The following MYO5B variants were observed in gnomAD, a reference collection of about 807,000 sequenced individuals.
The protein encoded by MYO5B is myosin VB, also known as unconventional myosin-Vb.
Under a neutral mutation model 229.3 loss-of-function variants are expected in MYO5B, and 143 were observed. That is an observed-to-expected ratio of 0.62 (90% CI 0.54 to 0.72). MYO5B has a LOEUF of 0.72. Ranked by LOEUF, MYO5B falls within the 30% of genes least tolerant of loss-of-function variation. The pLI is 0.00. For missense variants in MYO5B, 2,321 were observed against 2,331.0 expected (o/e 1.00, Z 0.09); for synonymous variants, 918 against 885.2 (o/e 1.04, Z -0.66).
Position 49,977,988 on chromosome 18 carries a change from G to A in MYO5B, c.1056+2456C>T, listed in dbSNP as rs151169705. ...TCAGGATATGAACCTTGGCCATCTC[G>A]ACTTAGAGTCCTTGCTGTCCACTAG... is the stretch of plus-strand genomic sequence containing the variant. On this transcript the variant is annotated intron_variant, in intron 9 of 39. Coordinates refer to ENST00000285039, the MANE Select transcript of MYO5B (RefSeq NM_001080467.3). Among the ~76,000 whole-genome samples the A allele has an allele frequency of 5.7e-3, 863 of 152,296 alleles. 5 individuals carry two copies. The highest frequency in any genetic ancestry group is 9.6e-3 in the Non-Finnish European group (654 of 68,024).
chr18:49,863,233 G>C lies in MYO5B; in HGVS notation c.3938C>G (p.Thr1313Arg). 6.2e-7 allele frequency: 1 copy of C among 1,612,742 alleles called. No individual in the cohort carries two copies. The change falls in exon 29 of 40, where the codon ACA (threonine) becomes AGA (arginine). Residue 1313 changes from threonine (T) to arginine (R), a missense_variant. Thr to Arg is a moderately conservative substitution (Grantham distance 71). Around this residue, in one of 2 missense-constraint regions of MYO5B, gnomAD observed 2,113 missense variants for 2,044.7 expected, o/e 1.03. Coordinates refer to ENST00000285039, the MANE Select transcript of MYO5B (RefSeq NM_001080467.3). ...TTGACCGCGGCGGCCTTACCTGTTTGTCTGGCAGACCCCGTGATAGGCCTC... is the reference window on the plus strand; with the variant it reads ...TTGACCGCGGCGGCCTTACCTGTTTCTCTGGCAGACCCCGTGATAGGCCTC... Reference protein sequence around the residue: ...AIEAYHGVCQTNSKTEDWGYL... With the variant: ...AIEAYHGVCQRNSKTEDWGYL...
intron 36 of MYO5B, among the ~76,000 whole-genome samples, 187 bp from the exon 37 acceptor site, chr18:49,837,989 A>C (rs1480600938): frequency 6.6e-6 from 1 of 152,236 alleles, no homozygotes; most frequent in East Asian, 1.9e-4. Flanking sequence ...GTATGGAATA[A>C]AACAGCTGTG....
chr18:49,914,666 G>A (rs2024992781), intron 17 of MYO5B, among the ~76,000 whole-genome samples: 1 of 151,526 alleles, frequency 6.6e-6, no homozygotes, highest in East Asian at 2.0e-4. Context: ...TGTAGTACCA[G>A]CTACTCAGGA....
intron 26 of MYO5B, among the ~76,000 whole-genome samples, chr18:49,873,603 G>A (rs1005925033): frequency 7.9e-5 from 12 of 152,334 alleles, no homozygotes; most frequent in South Asian, 2.1e-4. Flanking sequence ...CTGCTGCTCC[G>A]GTGAGAGTTC....
chr18:49,920,447 C>T (rs916390091), intron 17 of MYO5B, among the ~76,000 whole-genome samples: 1 of 152,136 alleles, frequency 6.6e-6, no homozygotes, highest in African/African-American at 2.4e-5. Context: ...AGCACTCACA[C>T]CATCAGAAAC....
intron 1 of MYO5B, among the ~76,000 whole-genome samples, chr18:50,117,068 A>C (rs1198077349): frequency 6.6e-6 from 1 of 152,196 alleles, no homozygotes; most frequent in African/African-American, 2.4e-5. Context: ...TTTGATAATA[A>C]GCAATCTCTG....
At chr18:49,882,216 C>G (rs2024594478) in intron 22 of MYO5B, among the ~76,000 whole-genome samples, 1 of 152,176 alleles carries the variant, frequency 6.6e-6, no homozygotes, top group African/African-American at 2.4e-5. Context: ...TGATCCGTCA[C>G]CATTCCCCAC....
At chr18:50,006,552 C>A (rs551140359) in intron 4 of MYO5B, among the ~76,000 whole-genome samples, 2 of 152,242 alleles carry the variant, frequency 1.3e-5, no homozygotes, top group South Asian at 2.1e-4. Flanking sequence ...ACCTGACAAC[C>A]AACACATCCA....
intron 3 of MYO5B, among the ~76,000 whole-genome samples, chr18:50,037,274 AAAATAGAC>A (rs2026460153): frequency 6.6e-6 from 1 of 152,130 alleles, no homozygotes; most frequent in Non-Finnish European, 1.5e-5. Flanking sequence ...TTGAGTTAAT[AAAATAGAC>A]ATGTGCAAGG....
At chr18:50,072,207 C>T (rs371392932) in intron 1 of MYO5B, among the ~76,000 whole-genome samples, 35 of 151,684 alleles carry the variant, frequency 2.3e-4, no homozygotes, top group African/African-American at 8.5e-4. Flanking sequence ...AGTATATATG[C>T]AACTTACATA....
At chr18:49,935,612 T>C (rs1248386314) in intron 16 of MYO5B, among the ~76,000 whole-genome samples, 2 of 152,224 alleles carry the variant, frequency 1.3e-5, no homozygotes, top group Non-Finnish European at 2.9e-5. Context: ...GTAGTAGGCT[T>C]GCACAAACAC....
At chr18:50,039,988 C>T (rs867847034) in intron 3 of MYO5B, among the ~76,000 whole-genome samples, 155 bp downstream of exon 3, 1 of 152,064 alleles carries the variant, frequency 6.6e-6, no homozygotes, top group Non-Finnish European at 1.5e-5. Context: ...CCTAATTAAG[C>T]CACATTCACT....
At position 49,929,611 on chromosome 18, in the gene MYO5B, A is replaced by AG; in HGVS notation, c.2004-14_2004-13insC. The AG allele has an allele frequency of 3.7e-4, 23 of 61,392 alleles. No homozygotes were observed. Among genetic ancestry groups the AG allele is most frequent in the Non-Finnish European group, 4.2e-4 (23 of 54,720 alleles). 3.8% of individuals were successfully genotyped at this position (61,392 alleles called of 1,614,324 possible). On this transcript the variant is annotated splice_polypyrimidine_tract_variant and intron_variant, in intron 16 of 39. Coordinates refer to ENST00000285039, the MANE Select transcript of MYO5B (RefSeq NM_001080467.3). ...CTTTGGGTCAAAGCTGCCAAAGGAGAAAAAAAAAAAAAAAAGCAAGACAAG... is the reference window on the plus strand; with the variant it reads ...CTTTGGGTCAAAGCTGCCAAAGGAGAGAAAAAAAAAAAAAAAGCAAGACAAG...
At chr18:49,983,716 T>A (rs1011573738) in intron 8 of MYO5B, among the ~76,000 whole-genome samples, 1 of 152,194 alleles carries the variant, frequency 6.6e-6, no homozygotes, top group African/African-American at 2.4e-5. Flanking sequence ...GAATAACCAG[T>A]GTGGTTTGTG....
At chr18:49,882,247 C>T (rs1291754056) in intron 22 of MYO5B, among the ~76,000 whole-genome samples, 1 of 152,144 alleles carries the variant, frequency 6.6e-6, no homozygotes, top group Non-Finnish European at 1.5e-5. Flanking sequence ...CTTGTGATCA[C>T]ATCCTAAGTG....
At chr18:50,168,452 G>C (rs1365316106) in intron 1 of MYO5B, among the ~76,000 whole-genome samples, 5 of 152,248 alleles carry the variant, frequency 3.3e-5, no homozygotes, top group Non-Finnish European at 4.4e-5. Flanking sequence ...TCATGTCAAA[G>C]AGGAGTGGAA....
intron 10 of MYO5B, among the ~76,000 whole-genome samples, chr18:49,970,685 T>C (rs988621508): frequency 5.3e-5 from 8 of 152,164 alleles, no homozygotes; most frequent in Admixed American, 4.6e-4. Context: ...TTTCGGTTCA[T>C]GAATGAGCTT....
intron 22 of MYO5B, among the ~76,000 whole-genome samples, chr18:49,887,300 G>A (rs1383739341): frequency 2.0e-5 from 3 of 152,118 alleles, no homozygotes; most frequent in Non-Finnish European, 4.4e-5. Context: ...CCATTTCAGA[G>A]GGATATTGAC....
intron 17 of MYO5B, among the ~76,000 whole-genome samples, chr18:49,916,353 T>C (rs1439683001): frequency 6.6e-6 from 1 of 152,214 alleles, no homozygotes; most frequent in Non-Finnish European, 1.5e-5. Context: ...CTGGCTCTGA[T>C]GCCGGCCGGC....
Sources: allele counts gnomAD v4.1 joint callset (sites outside exome capture counted in the v4.1 genomes callset), GRCh38; gene constraint gnomAD v4.1.1; regional missense constraint gnomAD v4.1.1; transcripts MANE v1.5; gene names NCBI Gene and HGNC (gene_info 2026-07-23, HGNC 2026-07-21).